C14orf39: variants seen among roughly 807,000 people sequenced by gnomAD.
The protein encoded by C14orf39 is protein SIX6OS1.
In C14orf39, 66 loss-of-function variants were observed where a neutral mutation model predicts 85.6. The observed-to-expected ratio is 0.77, with a 90% confidence interval of 0.63 to 0.95. C14orf39 has a LOEUF of 0.95. Among genes scored for constraint, C14orf39 ranks in the 40% least tolerant of loss-of-function variants. The probability of loss-of-function intolerance (pLI) is 0.00; values close to 1 mark genes in which losing one functional copy is unlikely to be tolerated. For missense variants in C14orf39, 735 were observed against 663.9 expected, an observed-to-expected ratio of 1.11 and a Z score of -1.18; for synonymous variants, 242 against 214.0, an observed-to-expected ratio of 1.13 and a Z score of -1.14.
intron 1 of C14orf39, among the ~76,000 whole-genome samples, chr14:60,506,386 A>C (rs1479318484): frequency 1.3e-5 from 2 of 152,238 alleles, no homozygotes; most frequent in Non-Finnish European, 2.9e-5. Context: ...AGCCAGCCCG[A>C]AGTCACAGCT....
chr14:60,512,589 A>C (rs1231838060), intron 1 of C14orf39: 2 of 152,236 alleles, frequency 1.3e-5, no homozygotes, highest in African/African-American at 4.8e-5. Context: ...TTAAAAACCT[A>C]ATCTCCGAAT....
intron 15 of C14orf39, among the ~76,000 whole-genome samples, chr14:60,455,567 T>C (rs1891234352): frequency 6.6e-6 from 1 of 152,058 alleles, no homozygotes; most frequent in Non-Finnish European, 1.5e-5. Context: ...AAGATTTTAG[T>C]GTTGATGAGA....
At chr14:60,465,610 T>C (rs748620446) in intron 11 of C14orf39, among the ~76,000 whole-genome samples, 5 of 152,094 alleles carry the variant, frequency 3.3e-5, no homozygotes, top group Non-Finnish European at 5.9e-5. Flanking sequence ...TAGAACGGTA[T>C]TCTCCTATGC....
upstream of C14orf39, among the ~76,000 whole-genome samples, chr14:60,490,136 T>G (rs942512004): frequency 6.6e-6 from 1 of 152,160 alleles, no homozygotes; most frequent in Admixed American, 6.5e-5. Context: ...AATCTCAGAT[T>G]CAGTCCTAGG....
chr14:60,472,582 T>C (rs182389487), intron 5 of C14orf39, among the ~76,000 whole-genome samples: 2 of 152,188 alleles, frequency 1.3e-5, no homozygotes, highest in Admixed American at 6.6e-5. Context: ...CCCCGGGGTG[T>C]GATGTTCCCC....
At chr14:60,501,686 G>A (rs1893151409) in intron 1 of C14orf39, among the ~76,000 whole-genome samples, 1 of 152,160 alleles carries the variant, frequency 6.6e-6, no homozygotes, top group African/African-American at 2.4e-5. Flanking sequence ...GACTTCTTTA[G>A]ACTAATTTAT....
intron 15 of C14orf39, among the ~76,000 whole-genome samples, chr14:60,455,481 T>C (rs1337873805): frequency 2.0e-5 from 3 of 152,124 alleles, no homozygotes; most frequent in Non-Finnish European, 4.4e-5. Context: ...GGCAGGTGAA[T>C]GCAGCAATCA....
intron 7 of C14orf39, among the ~76,000 whole-genome samples, chr14:60,470,230 TA>T (rs931066414): frequency 2.0e-5 from 3 of 151,732 alleles, no homozygotes; most frequent in Non-Finnish European, 4.4e-5. Context: ...CAATTTCAAG[TA>T]AAAAATCCTC....
At chr14:60,444,038 T>C (rs556433447) in intron 16 of C14orf39, among the ~76,000 whole-genome samples, 43 of 152,318 alleles carry the variant, frequency 2.8e-4, no homozygotes, top group African/African-American at 8.7e-4. Context: ...AAACCCCATC[T>C]GTAGGTTACC....
chr14:60,458,711 T>A lies in C14orf39; in HGVS notation c.1146A>T (p.Val382=). ...TACATTTTGATTCTCTTACTTGTCTTACTGTCCCTTTATCTCCATACTCAG... is the reference window on the plus strand; with the variant it reads ...TACATTTTGATTCTCTTACTTGTCTAACTGTCCCTTTATCTCCATACTCAG... ...KDAEYGDKGT[V]RQVRESKCTS... is the part of the protein sequence containing the mutation. The change falls in exon 14 of 18, where the codon GTA becomes GTT. Residue 382 remains valine (V), a synonymous_variant. Transcript: ENST00000321731. 6.2e-7 allele frequency: 1 copy of A among 1,603,620 alleles called. No homozygotes were observed.
At chr14:60,445,692 C>G (rs190672213) in intron 16 of C14orf39, among the ~76,000 whole-genome samples, 13 of 152,316 alleles carry the variant, frequency 8.5e-5, no homozygotes, top group African/African-American at 2.6e-4. Flanking sequence ...GACTTGAACT[C>G]AGCTCTGCAC....
At chr14:60,474,467 C>T (rs12882603) in intron 5 of C14orf39, among the ~76,000 whole-genome samples, 14,866 of 33,290 alleles carry the variant, frequency 0.45, 5,442 homozygotes, top group Non-Finnish European at 0.73. Flanking sequence ...GAGGGTATCC[C>T]TGTCTTGTGC....
rs780576211 is a variant in C14orf39 at position 60,453,396 on chromosome 14, T to C, written c.1503+1605A>G. Among the ~76,000 whole-genome samples the C allele has an allele frequency of 1.1e-4, 16 of 151,934 alleles. 1 individual carries two copies. The highest frequency in any genetic ancestry group is 1.9e-4 in the Non-Finnish European group (13 of 67,846). On this transcript the variant is annotated intron_variant, in intron 16 of 17. Transcript: ENST00000321731. ...ACCTTCTAATGCTTAGTTTTCATGA[T>C]ACATCATTTTCCATCCATTTACTGT... is the stretch of plus-strand genomic sequence containing the variant.
At chr14:60,487,210 T>A (rs1476131380), upstream of C14orf39, among the ~76,000 whole-genome samples, 2 of 152,186 alleles carry the variant, frequency 1.3e-5, no homozygotes, top group Admixed American at 1.3e-4. Context: ...GTACATTAGA[T>A]CTCCAGAACT....
At chr14:60,482,932 A>C (rs1190134596) in intron 4 of C14orf39, among the ~76,000 whole-genome samples, 1 of 148,436 alleles carries the variant, frequency 6.7e-6, no homozygotes, top group Non-Finnish European at 1.5e-5. Context: ...AATGATGTTG[A>C]CTCTTCAAGA....
chr14:60,476,638 A>G (rs898932667), intron 5 of C14orf39, among the ~76,000 whole-genome samples: 1 of 152,216 alleles, frequency 6.6e-6, no homozygotes, highest in Admixed American at 6.5e-5. Flanking sequence ...AGAGAAGTAC[A>G]TATTTTAACT....
chr14:60,511,420 T>G, intron 1 of C14orf39: 5 of 762,936 alleles, frequency 6.6e-6, no homozygotes, highest in Non-Finnish European at 1.1e-5. Flanking sequence ...GCGGCCGGCC[T>G]GGCTTCACTG....
intron 13 of C14orf39, among the ~76,000 whole-genome samples, chr14:60,458,981 A>G (rs1891400686): frequency 6.6e-6 from 1 of 151,752 alleles, no homozygotes; most frequent in Non-Finnish European, 1.5e-5. Context: ...CAACATCATG[A>G]GCACTCTAAA....
intron 17 of C14orf39, 21 bp downstream of exon 17, chr14:60,442,053 A>T (rs1422557513): frequency 2.5e-6 from 4 of 1,582,468 alleles, no homozygotes; most frequent in Non-Finnish European, 3.5e-6. Flanking sequence ...TTTTAAAGGT[A>T]GCAAACTTCA....
Sources: allele counts gnomAD v4.1 joint callset (sites outside exome capture counted in the v4.1 genomes callset), GRCh38; gene constraint gnomAD v4.1.1; transcripts MANE v1.5; gene names NCBI Gene and HGNC (gene_info 2026-07-23, HGNC 2026-07-21).